FGD3: variants seen among roughly 807,000 people sequenced by gnomAD.
The protein encoded by FGD3 is FYVE, RhoGEF and PH domain containing 3.
FGD3 carries 45 observed loss-of-function variants against 71.8 expected under a neutral mutation model. That is an observed-to-expected ratio of 0.63 (90% CI 0.49 to 0.80). The LOEUF (loss-of-function observed/expected upper bound fraction) is 0.80, where lower values mean the gene tolerates loss of function less well. FGD3 is among the 30% of genes least tolerant of loss of function. The probability of loss-of-function intolerance (pLI) is 0.00; values close to 1 mark genes in which losing one functional copy is unlikely to be tolerated. For synonymous variants in FGD3, 378 were observed against 392.8 expected (o/e 0.96, Z 0.44); for missense variants, 844 against 951.5 (o/e 0.89, Z 1.49).
intron 8 of FGD3, among the ~76,000 whole-genome samples, chr9:93,011,586 G>A (rs185941307): frequency 5.3e-5 from 8 of 152,316 alleles, no homozygotes; most frequent in African/African-American, 1.7e-4. Flanking sequence ...GGCCGGGCGC[G>A]GTTGCTCATT....
At chr9:92,958,124 G>A (rs1297908282) in intron 1 of FGD3, among the ~76,000 whole-genome samples, 2 of 151,180 alleles carry the variant, frequency 1.3e-5, no homozygotes, top group South Asian at 2.1e-4. Flanking sequence ...TCAGTCTCCC[G>A]AGTAGCTGGG....
chr9:92,953,345 T>A (rs1858991295), intron 1 of FGD3, among the ~76,000 whole-genome samples: 1 of 152,224 alleles, frequency 6.6e-6, no homozygotes, highest in Non-Finnish European at 1.5e-5. Flanking sequence ...CATAGCCAAC[T>A]GCCAGAGCCG....
intron 10 of FGD3, 34 bp downstream of exon 10, chr9:93,015,863 CT>C: frequency 3.1e-6 from 5 of 1,592,766 alleles, no homozygotes; most frequent in Non-Finnish European, 4.3e-6. Flanking sequence ...ACCTGTCCCC[CT>C]GGAAGGGGCA....
intron 3 of FGD3, among the ~76,000 whole-genome samples, chr9:92,989,590 T>C (rs149311394): frequency 9.2e-4 from 140 of 152,246 alleles, no homozygotes; most frequent in Admixed American, 2.7e-3. Flanking sequence ...AAAGAGGACT[T>C]TGAAGTCTTC....
chr9:93,029,395 C>A (rs1332619046), intron 14 of FGD3, among the ~76,000 whole-genome samples: 1 of 152,126 alleles, frequency 6.6e-6, no homozygotes, highest in African/African-American at 2.4e-5. Context: ...GGGTGCACAC[C>A]TATATTCATC....
chr9:93,019,618 A>T (rs902874578), intron 11 of FGD3, among the ~76,000 whole-genome samples: 1 of 152,184 alleles, frequency 6.6e-6, no homozygotes, highest in African/African-American at 2.4e-5. Context: ...CCAAGGAGGC[A>T]TTGAATTACA....
intron 14 of FGD3, among the ~76,000 whole-genome samples, chr9:93,023,590 C>G (rs981234913): frequency 1.3e-5 from 2 of 152,012 alleles, no homozygotes; most frequent in Admixed American, 6.6e-5. Flanking sequence ...AGGAGAGAAT[C>G]TCCTCTCACT....
intron 3 of FGD3, among the ~76,000 whole-genome samples, chr9:92,993,844 T>A (rs2118659496): frequency 6.6e-6 from 1 of 152,342 alleles, no homozygotes; most frequent in East Asian, 1.9e-4. Context: ...ATGTGCCACA[T>A]TTTCTTAATC....
At chr9:92,985,346 G>T (rs550255855) in intron 3 of FGD3, among the ~76,000 whole-genome samples, 1 of 152,154 alleles carries the variant, frequency 6.6e-6, no homozygotes, top group African/African-American at 2.4e-5. Context: ...ATAAAAGACT[G>T]AGGAGGTGAC....
chr9:92,988,812 T>C (rs970395351), intron 3 of FGD3, among the ~76,000 whole-genome samples: 1 of 152,198 alleles, frequency 6.6e-6, no homozygotes, highest in African/African-American at 2.4e-5. Context: ...ACCCTTTCCC[T>C]ATGGCATGTA....
Position 93,011,225 on chromosome 9 carries a change from C to T in FGD3, c.988C>T (p.Leu330Phe). 6.2e-7 allele frequency: 1 copy of T among 1,614,184 alleles called. No individual in the cohort carries two copies. The change falls in exon 8 of 18, where the codon CTC becomes TTC. Residue 330 changes from leucine (L) to phenylalanine (F), a missense_variant. Transcript: ENST00000375482. ...TCTTCTTCCTGCAGGGTCCTTGGAG[C>T]TCATCTCCACAGCCGCCAACCACTC... ...DRKDAERSLE[L>F]ISTAANHSNA...
At chr9:93,014,685 A>G (rs1861593754) in intron 9 of FGD3, among the ~76,000 whole-genome samples, 1 of 152,128 alleles carries the variant, frequency 6.6e-6, no homozygotes, top group African/African-American at 2.4e-5. Flanking sequence ...TCTGTCACCC[A>G]GGCTGGAGTA....
rs566715437 is a variant in FGD3 at position 92,959,295 on chromosome 9, T to A, written c.-218+11566T>A. ...TGTATTATAGTAATTATTTTATTAATGAAAATAATTACTATAATAAAATTA... is the reference window on the plus strand; with the variant it reads ...TGTATTATAGTAATTATTTTATTAAAGAAAATAATTACTATAATAAAATTA... On this transcript the variant is annotated intron_variant, in intron 1 of 17. Coordinates refer to ENST00000375482, the MANE Select transcript of FGD3 (RefSeq NM_001083536.2). Among the ~76,000 whole-genome samples, 3 of 151,976 alleles carry A rather than the reference T, an allele frequency of 2.0e-5. No homozygotes were observed. The South Asian group carries it at 6.2e-4, about 32-fold the overall frequency.
chr9:93,012,593 T>A (rs1397752680), intron 8 of FGD3, among the ~76,000 whole-genome samples: 3 of 149,948 alleles, frequency 2.0e-5, no homozygotes, highest in Non-Finnish European at 4.4e-5. Context: ...AAGACCAGCA[T>A]GGCCAACATG....
intron 3 of FGD3, 23 bp downstream of exon 3, chr9:92,976,732 C>A: frequency 6.5e-7 from 1 of 1,536,738 alleles, no homozygotes. Context: ...TTCTCTGTCC[C>A]CGCTGCGGGC....
At chr9:92,995,478 C>T (rs1460931440) in intron 3 of FGD3, among the ~76,000 whole-genome samples, 2 of 152,128 alleles carry the variant, frequency 1.3e-5, no homozygotes, top group African/African-American at 4.8e-5. Context: ...CTTTCTCTTG[C>T]CTGATTGCCC....
chr9:93,034,174 G>A (rs1029210204), intron 16 of FGD3: 8 of 182,948 alleles, frequency 4.4e-5, no homozygotes, highest in Non-Finnish European at 6.8e-5. Context: ...GTGTGTGCAC[G>A]CACGTGCATG....
chr9:93,012,303 A>G (rs1390318511), intron 8 of FGD3, among the ~76,000 whole-genome samples: 2 of 152,050 alleles, frequency 1.3e-5, no homozygotes, highest in Non-Finnish European at 1.5e-5. Flanking sequence ...AAACTCACAC[A>G]CCTCTCAGAG....
At position 93,020,398 on chromosome 9, in the gene FGD3, G is replaced by T. The variant is rs192951780; in HGVS notation, c.1468G>T (p.Asp490Tyr). Residue 490 changes from aspartate to tyrosine, a missense_variant, in exon 13 of 18, where the codon GAC becomes TAC. Physicochemically the swap from Asp to Tyr is radical, Grantham distance 160. Transcript: ENST00000375482. Reference sequence around the variant, plus strand: ...TGGTGGCGCCTTCAGCCAGGATGAGGACCCCAGCCTCTCTCCAGACATGCC... The same window carrying T: ...TGGTGGCGCCTTCAGCCAGGATGAGTACCCCAGCCTCTCTCCAGACATGCC... ...AFGGAFSQDE[D>Y]PSLSPDMPIT... 9.3e-6 allele frequency: 15 copies of T among 1,613,494 alleles called. No homozygotes were observed. The African/African-American group carries it at 2.0e-4, about 22-fold the overall frequency.
Sources: gnomAD v4.1 joint callset for allele counts (sites outside exome capture counted in the v4.1 genomes callset) on GRCh38, gnomAD v4.1.1 for gene constraint, MANE v1.5 for transcripts, NCBI Gene and HGNC (gene_info 2026-07-23, HGNC 2026-07-21) for gene names.